The following EFHC2 variants were observed in gnomAD, a reference collection of about 807,000 sequenced individuals.
EFHC2 encodes the protein EF-hand domain-containing family member C2.
In EFHC2, 18 loss-of-function variants were observed where a neutral mutation model predicts 52.7. That is an observed-to-expected ratio of 0.34 (90% CI 0.24 to 0.51). The LOEUF (loss-of-function observed/expected upper bound fraction) is 0.51. Ranked by LOEUF, EFHC2 falls within the 20% of genes least tolerant of loss-of-function variation. The probability of loss-of-function intolerance (pLI) is 0.97; values close to 1 mark genes in which losing one functional copy is unlikely to be tolerated. For missense variants in EFHC2, 513 were observed against 562.5 expected (o/e 0.91, Z 0.89); for synonymous variants, 203 against 204.1 (o/e 0.99, Z 0.04).
chrX:44,291,686 A>C (rs928408991), intron 2 of EFHC2, among the ~76,000 whole-genome samples: 1 of 112,368 alleles, frequency 8.9e-6, no homozygotes, highest in African/African-American at 3.2e-5. Flanking sequence ...TTAACCTTTC[A>C]GCAAAAATTA....
At chrX:44,273,950 G>T (rs2037636183) in intron 2 of EFHC2, among the ~76,000 whole-genome samples, 1 of 111,780 alleles carries the variant, frequency 8.9e-6, no homozygotes, top group South Asian at 3.7e-4. Flanking sequence ...AGGGGTGGTG[G>T]TCAGTTAACC....
At chrX:44,237,506 C>T (rs1286466798) in intron 8 of EFHC2, among the ~76,000 whole-genome samples, 6 of 111,465 alleles carry the variant, frequency 5.4e-5, no homozygotes, top group African/African-American at 2.0e-4. Flanking sequence ...GTCAAGAAGC[C>T]ATGTCTTAAC....
At chrX:44,325,971 C>A (rs758878261) in intron 1 of EFHC2, among the ~76,000 whole-genome samples, 1 of 107,351 alleles carries the variant, frequency 9.3e-6, no homozygotes, top group Non-Finnish European at 1.9e-5. Flanking sequence ...CAGCTCACTG[C>A]GGCCTTGACT....
intron 13 of EFHC2, among the ~76,000 whole-genome samples, chrX:44,174,584 A>C (rs1346922598): frequency 9.7e-6 from 1 of 102,753 alleles, no homozygotes; most frequent in African/African-American, 3.5e-5. Context: ...GCAAGCTTTC[A>C]GCAAGTGAAA....
chrX:44,289,654 C>T (rs1291417191), intron 2 of EFHC2, among the ~76,000 whole-genome samples: 3 of 105,316 alleles, frequency 2.8e-5, no homozygotes, highest in Non-Finnish European at 3.9e-5. Context: ...TTTTATCTGC[C>T]GGTCTACATC....
chrX:44,338,001 C>A (rs1432668754), intron 1 of EFHC2, among the ~76,000 whole-genome samples: 1 of 111,225 alleles, frequency 9.0e-6, no homozygotes, highest in Non-Finnish European at 1.9e-5. Flanking sequence ...TGCAGGAGTT[C>A]TCTAAGACCT....
intron 11 of EFHC2, among the ~76,000 whole-genome samples, chrX:44,181,178 A>G (rs961480456): frequency 2.7e-5 from 3 of 111,793 alleles, no homozygotes; most frequent in Non-Finnish European, 5.6e-5. Context: ...GTATGATCCC[A>G]GTGAAAAATC....
chrX:44,243,244 C>T (rs1033865954), intron 7 of EFHC2, among the ~76,000 whole-genome samples: 3 of 111,717 alleles, frequency 2.7e-5, no homozygotes, highest in Non-Finnish European at 5.7e-5. Context: ...AAAAAAGATG[C>T]CACATCTTTC....
intron 9 of EFHC2, among the ~76,000 whole-genome samples, chrX:44,233,028 G>T (rs1284125328): frequency 9.0e-6 from 1 of 111,339 alleles, no homozygotes; most frequent in African/African-American, 3.3e-5. Flanking sequence ...AGAAAAAACA[G>T]AGAAAAAATG....
intron 11 of EFHC2, among the ~76,000 whole-genome samples, chrX:44,186,683 A>G (rs753465767): frequency 8.9e-6 from 1 of 111,991 alleles, no homozygotes; most frequent in South Asian, 3.7e-4. Flanking sequence ...GTACTTATTG[A>G]TCACACAACG....
chrX:44,289,677 C>CTTTTTT (rs1207899077), intron 2 of EFHC2, among the ~76,000 whole-genome samples: 22 of 72,284 alleles, frequency 3.0e-4, no homozygotes, highest in East Asian at 4.6e-4. Flanking sequence ...TCTTTTCTTT[C>CTTTTTT]TTTTTTTTTT....
intron 1 of EFHC2, among the ~76,000 whole-genome samples, chrX:44,319,294 C>T (rs941837589): frequency 9.0e-6 from 1 of 111,112 alleles, no homozygotes; most frequent in Non-Finnish European, 1.9e-5. Context: ...TAAGCCACTG[C>T]GCCGGGCACA....
Position 44,272,852 on chromosome X carries a change from T to A in EFHC2, c.232-16A>T. ...AAGATAATACCTGTTGGAATAATAA[T>A]TAGAAACTAAGAAATGAAAAGAAAA... is the stretch of plus-strand genomic sequence containing the variant. On this transcript the variant is annotated splice_polypyrimidine_tract_variant and intron_variant, in intron 2 of 14. Transcript: ENST00000420999. 8.9e-7 allele frequency: 1 copy of A among 1,127,236 alleles called. No homozygotes were observed. Among genetic ancestry groups the A allele is most frequent in the Non-Finnish European group, 1.2e-6 (1 of 845,766 alleles). The allele number at this position is 1,127,236 out of a possible 1,213,427, so 92.9% of individuals were successfully genotyped here.
intron 3 of EFHC2, among the ~76,000 whole-genome samples, chrX:44,263,342 T>C (rs1221650231): frequency 1.8e-5 from 2 of 112,293 alleles, no homozygotes; most frequent in Admixed American, 1.9e-4. Flanking sequence ...GCTTATTCAT[T>C]AAGGAATATT....
intron 1 of EFHC2, among the ~76,000 whole-genome samples, chrX:44,328,825 C>G: frequency 9.0e-6 from 1 of 111,174 alleles, no homozygotes; most frequent in Non-Finnish European, 1.9e-5. Context: ...GATTGCTGGG[C>G]CACTACTTCA....
chrX:44,276,155 T>C (rs1433830499), intron 2 of EFHC2, among the ~76,000 whole-genome samples: 3 of 111,128 alleles, frequency 2.7e-5, no homozygotes, highest in Admixed American at 9.6e-5. Context: ...CAGTGGATCA[T>C]GCCTGTAATC....
intron 1 of EFHC2, among the ~76,000 whole-genome samples, chrX:44,315,886 A>T (rs2037979956): frequency 9.0e-6 from 1 of 111,714 alleles, no homozygotes; most frequent in South Asian, 3.7e-4. Flanking sequence ...AGAATATATA[A>T]GGAGGACTAT....
intron 13 of EFHC2, among the ~76,000 whole-genome samples, 176 bp from the exon 14 acceptor site, chrX:44,164,203 C>T (rs757186769): frequency 2.7e-5 from 3 of 111,861 alleles, no homozygotes; most frequent in South Asian, 7.5e-4. Context: ...ATTCTTTGAG[C>T]GGGGATCTTG....
At chrX:44,289,358 G>A (rs771593124) in intron 2 of EFHC2, among the ~76,000 whole-genome samples, 1 of 111,239 alleles carries the variant, frequency 9.0e-6, no homozygotes, top group Non-Finnish European at 1.9e-5. Context: ...TAGCATATTA[G>A]TGATAAATTA....
Sources: gnomAD v4.1 joint callset for allele counts (sites outside exome capture counted in the v4.1 genomes callset) on GRCh38, gnomAD v4.1.1 for gene constraint, MANE v1.5 for transcripts, NCBI Gene and HGNC (gene_info 2026-07-23, HGNC 2026-07-21) for gene names.